Variants in UTS2 observed in about 807,000 individuals in gnomAD.
UTS2 encodes urotensin-2.
A neutral mutation model predicts 12.6 loss-of-function variants in UTS2; 10 were observed. The ratio of observed to expected loss-of-function variants is 0.80; its 90% CI spans 0.49 to 1.35. UTS2 has a LOEUF of 1.35. Among genes scored for constraint, UTS2 ranks in the 40% most tolerant of loss-of-function variants. The probability of loss-of-function intolerance (pLI) is 0.00; values close to 1 mark genes in which losing one functional copy is unlikely to be tolerated. For synonymous variants in UTS2, 52 were observed against 50.0 expected, an observed-to-expected ratio of 1.04 and a Z score of -0.17; for missense variants, 142 against 143.2, an observed-to-expected ratio of 0.99 and a Z score of 0.04.
chr1:7,886,454 C>G, the UTS2 span, among the ~76,000 whole-genome samples: 1 of 152,122 alleles, frequency 6.6e-6, no homozygotes, highest in Non-Finnish European at 1.5e-5. Flanking sequence ...GTAGTACTTG[C>G]TTTCTGAACG....
the UTS2 span, among the ~76,000 whole-genome samples, chr1:7,863,617 A>C: frequency 1.3e-5 from 2 of 152,168 alleles, no homozygotes; most frequent in Non-Finnish European, 2.9e-5. Flanking sequence ...TGGGCACCCA[A>C]ATGGCATTTA....
At chr1:7,909,042 C>T in the UTS2 span, among the ~76,000 whole-genome samples, 4 of 151,994 alleles carry the variant, frequency 2.6e-5, no homozygotes, top group African/African-American at 4.8e-5. Context: ...CTACCCATCT[C>T]GGCCTCCGAA....
chr1:7,891,564 G>GAAAGAAAGAAAGAAAGAAAGAA, the UTS2 span, among the ~76,000 whole-genome samples: 1 of 149,936 alleles, frequency 6.7e-6, no homozygotes, highest in South Asian at 2.1e-4. Context: ...AAGAAAGAAA[G>GAAAGAAAGAAAGAAAGAAAGAA]AAAGAAAGAA....
At chr1:7,895,346 G>A in the UTS2 span, among the ~76,000 whole-genome samples, 1 of 151,626 alleles carries the variant, frequency 6.6e-6, no homozygotes, top group Non-Finnish European at 1.5e-5. Flanking sequence ...TCCAGCCTGG[G>A]TGATAAGAGC....
At chr1:7,869,034 C>T in the UTS2 span, among the ~76,000 whole-genome samples, 1 of 152,346 alleles carries the variant, frequency 6.6e-6, no homozygotes, top group Admixed American at 6.5e-5. Flanking sequence ...TGTTTAAGCT[C>T]CCACTCTATG....
At chr1:7,904,514 G>A in the UTS2 span, among the ~76,000 whole-genome samples, 96 of 151,906 alleles carry the variant, frequency 6.3e-4, no homozygotes, top group Non-Finnish European at 1.2e-3. Context: ...AAGACGTGTA[G>A]TCAATTTGTT....
chr1:7,847,702 T>G lies in UTS2; in HGVS notation c.*64A>C. On this transcript the variant is annotated 3_prime_UTR_variant, in exon 4 of 4. Transcript: ENST00000361696. ...CTCCACACTGTTTTCAAATCAAGCA[T>G]TGTGTTATTTTTCATATTCTAAGAT... 7.9e-7 allele frequency: 1 copy of G among 1,258,104 alleles called. No individual in the cohort carries two copies. Among genetic ancestry groups the G allele is most frequent in the Non-Finnish European group, 1.1e-6 (1 of 872,166 alleles). The allele number at this position is 1,258,104 out of a possible 1,614,324, so 77.9% of individuals were successfully genotyped here. A position where few individuals can be genotyped will look rare whatever the true frequency, so the allele number is the denominator to read the frequency against.
At chr1:7,891,857 T>C in the UTS2 span, among the ~76,000 whole-genome samples, 1 of 152,190 alleles carries the variant, frequency 6.6e-6, no homozygotes, top group South Asian at 2.1e-4. Flanking sequence ...TTCAAGCTCA[T>C]CTATAGTGAC....
At chr1:7,890,695 CA>C in the UTS2 span, among the ~76,000 whole-genome samples, 2 of 134,288 alleles carry the variant, frequency 1.5e-5, no homozygotes, top group Non-Finnish European at 3.1e-5. Context: ...AGTTGGAGAT[CA>C]GCCTGGACAA....
At chr1:7,906,396 C>T in the UTS2 span, among the ~76,000 whole-genome samples, 4 of 122,366 alleles carry the variant, frequency 3.3e-5, no homozygotes, top group African/African-American at 1.2e-4. Flanking sequence ...CTTTATAGCA[C>T]AGCAAGAAAG....
the UTS2 span, among the ~76,000 whole-genome samples, chr1:7,867,547 G>A: frequency 1.3e-5 from 2 of 152,204 alleles, no homozygotes; most frequent in African/African-American, 4.8e-5. Context: ...AGAGGGCTTA[G>A]GGAAGCCACT....
At chr1:7,876,687 C>T in the UTS2 span, among the ~76,000 whole-genome samples, 1 of 152,200 alleles carries the variant, frequency 6.6e-6, no homozygotes, top group African/African-American at 2.4e-5. Context: ...CATATAAAGA[C>T]TATACTTCTG....
At chr1:7,897,121 T>C in the UTS2 span, among the ~76,000 whole-genome samples, 7 of 152,246 alleles carry the variant, frequency 4.6e-5, no homozygotes, top group African/African-American at 1.7e-4. Flanking sequence ...GTGCATTGAG[T>C]CATTATATAG....
the UTS2 span, among the ~76,000 whole-genome samples, chr1:7,885,223 T>C: frequency 6.6e-6 from 1 of 152,246 alleles, no homozygotes; most frequent in Non-Finnish European, 1.5e-5. Context: ...GGGAACATCT[T>C]TGGAAAGTTT....
chr1:7,849,073 A>G (rs1338212839), intron 3 of UTS2, among the ~76,000 whole-genome samples: 1 of 152,212 alleles, frequency 6.6e-6, no homozygotes, highest in African/African-American at 2.4e-5. Context: ...ACTGGAGAGC[A>G]GGGACCTCAC....
At chr1:7,860,095 T>C in the UTS2 span, among the ~76,000 whole-genome samples, 1 of 152,194 alleles carries the variant, frequency 6.6e-6, no homozygotes, top group Non-Finnish European at 1.5e-5. Context: ...TCAACGAACA[T>C]TGAGCATGTG....
chr1:7,889,442 C>CAAAA, the UTS2 span, among the ~76,000 whole-genome samples: 15 of 85,350 alleles, frequency 1.8e-4, no homozygotes, highest in South Asian at 4.7e-4. Context: ...ATCTTATCAC[C>CAAAA]AAAAAAAAAA....
At chr1:7,883,317 G>T in the UTS2 span, among the ~76,000 whole-genome samples, 1 of 152,186 alleles carries the variant, frequency 6.6e-6, no homozygotes, top group African/African-American at 2.4e-5. Flanking sequence ...ACTCATATGT[G>T]AGAGCTAAAA....
the UTS2 span, among the ~76,000 whole-genome samples, chr1:7,884,106 T>C: frequency 1.3e-5 from 2 of 152,194 alleles, no homozygotes; most frequent in Admixed American, 6.5e-5. Flanking sequence ...CTCACTTTAT[T>C]GCAATATTCA....
Sources: gnomAD v4.1 joint callset for allele counts (sites outside exome capture counted in the v4.1 genomes callset) on GRCh38, gnomAD v4.1.1 for gene constraint, MANE v1.5 for transcripts, NCBI Gene and HGNC (gene_info 2026-07-23, HGNC 2026-07-21) for gene names.